PACRG: variants seen among roughly 807,000 people sequenced by gnomAD.
PACRG encodes the protein parkin coregulated gene protein.
In PACRG, 29 loss-of-function variants were observed where a neutral mutation model predicts 29.7. The observed-to-expected ratio is 0.98, with a 90% CI of 0.73 to 1.33. The LOEUF (loss-of-function observed/expected upper bound fraction) is 1.33. PACRG is among the 40% of genes most tolerant of loss of function. The probability of loss-of-function intolerance (pLI) is 0.00; values close to 1 mark genes in which losing one functional copy is unlikely to be tolerated. For missense variants in PACRG, 279 were observed against 316.2 expected, an observed-to-expected ratio of 0.88 and a Z score of 0.89; for synonymous variants, 116 against 118.7, an observed-to-expected ratio of 0.98 and a Z score of 0.15.
chr6:163,066,074 A>T (rs566431345), intron 3 of PACRG, among the ~76,000 whole-genome samples: 2 of 152,350 alleles, frequency 1.3e-5, no homozygotes, highest in East Asian at 3.9e-4. Flanking sequence ...TTACGCAGGT[A>T]GAAAATACTT....
At chr6:163,179,725 ATT>A (rs761613882) in intron 4 of PACRG, among the ~76,000 whole-genome samples, 1 of 67,356 alleles carries the variant, frequency 1.5e-5, no homozygotes, top group Non-Finnish European at 4.9e-5. Context: ...AAAAAAAAAA[ATT>A]TTCTTACATC....
intron 4 of PACRG, among the ~76,000 whole-genome samples, chr6:163,133,019 C>G (rs1432127266): frequency 6.6e-6 from 1 of 152,126 alleles, no homozygotes; most frequent in East Asian, 1.9e-4. Flanking sequence ...ACCAAAGTAA[C>G]AGAATATACT....
intron 4 of PACRG, among the ~76,000 whole-genome samples, chr6:163,168,481 G>A (rs368786945): frequency 2.0e-5 from 3 of 152,174 alleles, no homozygotes; most frequent in African/African-American, 7.2e-5. Context: ...ACAACAGAGC[G>A]AGACTCCGTC....
chr6:162,895,781 C>T (rs1795121028), intron 2 of PACRG, among the ~76,000 whole-genome samples: 1 of 152,232 alleles, frequency 6.6e-6, no homozygotes, highest in Non-Finnish European at 1.5e-5. Context: ...CTGATTATTA[C>T]TCACAGGATA....
At chr6:162,965,110 G>A (rs1346029883) in intron 2 of PACRG, among the ~76,000 whole-genome samples, 3 of 152,188 alleles carry the variant, frequency 2.0e-5, no homozygotes, top group South Asian at 4.1e-4. Flanking sequence ...ACACATGGAC[G>A]AAGGGTTGCA....
At chr6:162,838,438 T>G (rs1789437033) in intron 2 of PACRG, among the ~76,000 whole-genome samples, 1 of 152,156 alleles carries the variant, frequency 6.6e-6, no homozygotes, top group African/African-American at 2.4e-5. Flanking sequence ...TTCATCTACT[T>G]TTTGTTGATC....
intron 4 of PACRG, among the ~76,000 whole-genome samples, chr6:163,199,884 A>G (rs1237202863): frequency 6.6e-6 from 1 of 152,222 alleles, no homozygotes; most frequent in Non-Finnish European, 1.5e-5. Flanking sequence ...ACACAAATAC[A>G]TATTTGTATA....
intron 2 of PACRG, among the ~76,000 whole-genome samples, chr6:162,928,924 C>T (rs893557507): frequency 2.0e-5 from 3 of 151,946 alleles, no homozygotes; most frequent in African/African-American, 7.2e-5. Context: ...GAGTTCCATC[C>T]ATGTTGCTGC....
At chr6:163,268,220 G>A (rs766556004) in intron 4 of PACRG, among the ~76,000 whole-genome samples, 1 of 152,034 alleles carries the variant, frequency 6.6e-6, no homozygotes, top group African/African-American at 2.4e-5. Flanking sequence ...CCAACATGGT[G>A]AAACCCCATC....
At chr6:163,294,935 G>A (rs1385700426) in intron 4 of PACRG, among the ~76,000 whole-genome samples, 1 of 152,182 alleles carries the variant, frequency 6.6e-6, no homozygotes, top group Non-Finnish European at 1.5e-5. Flanking sequence ...TCCCTTTGAT[G>A]TTTGGTGGTT....
chr6:163,060,951 T>C (rs1418889858), intron 2 of PACRG: 2 of 151,706 alleles, frequency 1.3e-5, no homozygotes, highest in East Asian at 3.9e-4. Context: ...ATATAATGTA[T>C]GGACTATATA....
chr6:163,190,056 G>A (rs536117124), intron 4 of PACRG: 116 of 152,234 alleles, frequency 7.6e-4, no homozygotes, highest in African/African-American at 2.7e-3. Context: ...TTTCAAATGC[G>A]GGTCTTAATA....
At chr6:162,754,593 C>A (rs1031466539) in intron 1 of PACRG, among the ~76,000 whole-genome samples, 2 of 151,964 alleles carry the variant, frequency 1.3e-5, no homozygotes, top group Admixed American at 1.3e-4. Flanking sequence ...GTTGTCTTAC[C>A]CTTTCAGGTC....
intron 4 of PACRG, chr6:163,310,577 C>T (rs1332927669): frequency 6.6e-6 from 1 of 152,180 alleles, no homozygotes; most frequent in Non-Finnish European, 1.5e-5. Flanking sequence ...AGCACACGTC[C>T]CGGGAGTGAC....
At chr6:163,202,061 C>T (rs1236818374) in intron 4 of PACRG, among the ~76,000 whole-genome samples, 1 of 152,156 alleles carries the variant, frequency 6.6e-6, no homozygotes, top group Non-Finnish European at 1.5e-5. Flanking sequence ...CGAGCAAACG[C>T]GGGGACCTGA....
chr6:162,997,804 A>C (rs187700197), intron 2 of PACRG, among the ~76,000 whole-genome samples: 1 of 152,206 alleles, frequency 6.6e-6, no homozygotes, highest in African/African-American at 2.4e-5. Flanking sequence ...ACTTGACACT[A>C]TATGTCTTCT....
At chr6:162,727,340 G>A (rs1779298655), upstream of PACRG, 2 of 408,076 alleles carry the variant, frequency 4.9e-6, no homozygotes, top group East Asian at 4.4e-5. Context: ...GCGGGGAGAA[G>A]GCTTCGGGAC....
chr6:162,947,630 AT>A lies in PACRG; in HGVS notation c.292-114519del, dbSNP rs1211632242. On this transcript the variant is annotated intron_variant, in intron 2 of 4. Coordinates refer to ENST00000366888, the MANE Select transcript of PACRG (RefSeq NM_001080379.2). Reference sequence around the variant, plus strand: ...TATAATCATATATATATATATATATATATATATATATATATATACACCCAAA... The same window carrying A: ...TATAATCATATATATATATATATATAATATATATATATATATACACCCAAA... Among the ~76,000 whole-genome samples the A allele has an allele frequency of 2.0e-4, 14 of 69,564 alleles. 1 individual carries two copies. The highest frequency in any genetic ancestry group is 4.0e-4 in the African/African-American group (7 of 17,286). 45.6% of individuals were successfully genotyped at this position (69,564 alleles called of 152,430 possible).
At chr6:163,234,431 C>G (rs1479981133) in intron 4 of PACRG, among the ~76,000 whole-genome samples, 3 of 152,174 alleles carry the variant, frequency 2.0e-5, no homozygotes, top group Non-Finnish European at 4.4e-5. Context: ...ACACCAGCTC[C>G]CCTTCGTCTT....
Sources: allele counts gnomAD v4.1 joint callset (sites outside exome capture counted in the v4.1 genomes callset), GRCh38; gene constraint gnomAD v4.1.1; transcripts MANE v1.5; gene names NCBI Gene and HGNC (gene_info 2026-07-23, HGNC 2026-07-21).